PDCD1LG2: variants seen among roughly 807,000 people sequenced by gnomAD.
PDCD1LG2 encodes programmed cell death 1 ligand 2.
Under a neutral mutation model 28.2 loss-of-function variants are expected in PDCD1LG2, and 32 were observed. The ratio of observed to expected loss-of-function variants is 1.13; its 90% CI spans 0.86 to 1.52. The LOEUF is 1.52. PDCD1LG2 is among the 40% of genes most tolerant of loss of function. The pLI, the probability that PDCD1LG2 is intolerant of heterozygous loss-of-function variation, is 0.00. For missense variants in PDCD1LG2, 385 were observed against 323.8 expected (o/e 1.19, Z -1.45); for synonymous variants, 116 against 120.2 (o/e 0.97, Z 0.23).
At chr9:5,535,075 C>T (rs1387134648) in intron 3 of PDCD1LG2, 25 bp downstream of exon 3, 1 of 1,558,068 alleles carries the variant, frequency 6.4e-7, no homozygotes, top group Non-Finnish European at 8.7e-7. Context: ...GGACTAGAAT[C>T]CATGGAAGCA....
intron 2 of PDCD1LG2, among the ~76,000 whole-genome samples, chr9:5,528,390 C>A (rs957167124): frequency 3.3e-5 from 5 of 151,608 alleles, no homozygotes; most frequent in Admixed American, 3.3e-4. Flanking sequence ...CAGCCTCGAT[C>A]TCTCAGGCTC....
At chr9:5,558,791 G>T (rs1026538471) in intron 5 of PDCD1LG2, among the ~76,000 whole-genome samples, 11 of 151,084 alleles carry the variant, frequency 7.3e-5, no homozygotes, top group African/African-American at 2.7e-4. Flanking sequence ...AAAAGAAAAA[G>T]ACAGAGGGAG....
intron 3 of PDCD1LG2, among the ~76,000 whole-genome samples, chr9:5,538,048 T>C (rs1029479629): frequency 6.6e-6 from 1 of 152,326 alleles, no homozygotes; most frequent in Admixed American, 6.5e-5. Flanking sequence ...GATAAAATTC[T>C]GTAGGGAAGG....
chr9:5,557,635 A>T lies in PDCD1LG2; in HGVS notation c.649A>T (p.Thr217Ser). ...TTGCCCAGGTCAGATGGAACCCAGG[A>T]CCCATCCAACTTGGCTGCTTCACAT... ...IDLQSQMEPR[T>S]HPTWLLHIFI... Residue 217 changes from threonine (T) to serine (S), a missense_variant, in exon 5 of 7, where the codon ACC (threonine) becomes TCC (serine). Physicochemically the swap from Thr to Ser is moderately conservative, Grantham distance 58. Transcript: ENST00000397747. 1.9e-6 allele frequency: 3 copies of T among 1,613,982 alleles called. No individual in the cohort carries two copies. The highest frequency in any genetic ancestry group is 2.5e-6 in the Non-Finnish European group (3 of 1,179,898).
intron 2 of PDCD1LG2, among the ~76,000 whole-genome samples, chr9:5,527,200 T>G (rs1820396371): frequency 6.6e-6 from 1 of 152,232 alleles, no homozygotes; most frequent in Non-Finnish European, 1.5e-5. Context: ...CATTTATTCT[T>G]TTTTTAAAAA....
chr9:5,571,130 T>C lies in PDCD1LG2; in HGVS notation c.*1171T>C, dbSNP rs1393738190. 1 of 232,678 alleles carries C rather than the reference T, an allele frequency of 4.3e-6. No homozygotes were observed. The highest frequency in any genetic ancestry group is 5.6e-5 in the Admixed American group (1 of 17,762). The allele number at this position is 232,678 out of a possible 1,614,324, so 14.4% of individuals were successfully genotyped here. On this transcript the variant is annotated 3_prime_UTR_variant, in exon 7 of 7. Coordinates refer to ENST00000397747, the MANE Select transcript of PDCD1LG2 (RefSeq NM_025239.4). ...AGCAAGCTCCTTAACTGAGCAAAATTTGGGGCTTATGAGAATGAAAGGGTG... is the reference window on the plus strand; with the variant it reads ...AGCAAGCTCCTTAACTGAGCAAAATCTGGGGCTTATGAGAATGAAAGGGTG...
rs2129793508 is a variant in PDCD1LG2, at chr9:5,534,856, C to T, written c.167C>T (p.Thr56Ile). ...AGTCATGTGAACCTTGGAGCAATAA[C>T]AGCCAGTTTGCAAAAGGTGGAAAAT... Reference protein sequence around the residue: ...TGSHVNLGAITASLQKVENDT... With the variant: ...TGSHVNLGAIIASLQKVENDT... Residue 56 changes from threonine to isoleucine, a missense_variant, in exon 3 of 7, where the codon ACA (threonine) becomes ATA (isoleucine). Transcript: ENST00000397747. The T allele has an allele frequency of 6.2e-7, 1 of 1,614,176 alleles. No individual in the cohort carries two copies. Among genetic ancestry groups the T allele is most frequent in the African/African-American group, 1.3e-5 (1 of 75,050 alleles).
intron 3 of PDCD1LG2, among the ~76,000 whole-genome samples, chr9:5,535,716 T>C (rs542442756): frequency 9.9e-5 from 15 of 152,160 alleles, no homozygotes; most frequent in Non-Finnish European, 2.2e-4. Context: ...TTATTGCAGA[T>C]GAAGTAGCTG....
chr9:5,533,315 C>T (rs1262149755), intron 2 of PDCD1LG2, among the ~76,000 whole-genome samples: 2 of 152,176 alleles, frequency 1.3e-5, no homozygotes, highest in African/African-American at 2.4e-5. Flanking sequence ...ACTACCTTTA[C>T]TAGTTTGGCC....
intron 4 of PDCD1LG2, among the ~76,000 whole-genome samples, chr9:5,553,774 C>T (rs1324258055): frequency 6.6e-6 from 1 of 152,150 alleles, no homozygotes; most frequent in Non-Finnish European, 1.5e-5. Flanking sequence ...ATAAATACAG[C>T]CATCAGGGAG....
chr9:5,542,987 C>T (rs568427066), intron 3 of PDCD1LG2, among the ~76,000 whole-genome samples: 3 of 151,948 alleles, frequency 2.0e-5, no homozygotes, highest in Non-Finnish European at 4.4e-5. Context: ...ATTATACATA[C>T]ATATATATAT....
intron 2 of PDCD1LG2, among the ~76,000 whole-genome samples, chr9:5,530,487 A>AAAAC (rs1554644574): frequency 6.6e-6 from 1 of 151,758 alleles, no homozygotes; most frequent in African/African-American, 2.4e-5. Context: ...AAAAAAAAAA[A>AAAAC]AACTCACTCA....
At chr9:5,525,075 C>T (rs1250148506) in intron 2 of PDCD1LG2, among the ~76,000 whole-genome samples, 1 of 152,234 alleles carries the variant, frequency 6.6e-6, no homozygotes, top group Non-Finnish European at 1.5e-5. Context: ...TGGCCAGGCG[C>T]AGTGGCTCAC....
At chr9:5,513,529 A>G (rs9886743) in intron 1 of PDCD1LG2, among the ~76,000 whole-genome samples, 3,976 of 152,326 alleles carry the variant, frequency 0.026, 69 homozygotes, top group Middle Eastern at 0.044. Flanking sequence ...GAATTCTCCA[A>G]TGATAAATTA....
At chr9:5,526,365 C>T (rs1256043357) in intron 2 of PDCD1LG2, among the ~76,000 whole-genome samples, 2 of 152,170 alleles carry the variant, frequency 1.3e-5, no homozygotes, top group African/African-American at 4.8e-5. Flanking sequence ...CATACCCTAG[C>T]CCAATAAAAC....
intron 5 of PDCD1LG2, among the ~76,000 whole-genome samples, chr9:5,559,445 G>C (rs1020040741): frequency 6.6e-6 from 1 of 152,180 alleles, no homozygotes; most frequent in South Asian, 2.1e-4. Flanking sequence ...AGAACTGCTG[G>C]TGATGCAGAC....
chr9:5,535,076 C>T (rs1398109417), intron 3 of PDCD1LG2, 26 bp downstream of exon 3: 2 of 1,555,226 alleles, frequency 1.3e-6, no homozygotes, highest in Non-Finnish European at 8.7e-7. Context: ...GACTAGAATC[C>T]ATGGAAGCAT....
chr9:5,567,719 C>A (rs2129965679), intron 6 of PDCD1LG2, among the ~76,000 whole-genome samples: 1 of 152,254 alleles, frequency 6.6e-6, no homozygotes, highest in African/African-American at 2.4e-5. Flanking sequence ...TTCATTCACC[C>A]ACTCACAAAC....
At chr9:5,524,712 G>A (rs988602831) in intron 2 of PDCD1LG2, among the ~76,000 whole-genome samples, 3 of 152,118 alleles carry the variant, frequency 2.0e-5, no homozygotes, top group East Asian at 3.8e-4. Context: ...GGTCTGGGAT[G>A]GGGGTAAAAA....
Sources: gnomAD v4.1 joint callset for allele counts (sites outside exome capture counted in the v4.1 genomes callset) on GRCh38, gnomAD v4.1.1 for gene constraint, MANE v1.5 for transcripts, NCBI Gene and HGNC (gene_info 2026-07-23, HGNC 2026-07-21) for gene names.